The following INTS6 variants were observed in gnomAD, a reference collection of about 807,000 sequenced individuals.
INTS6 encodes the protein integrator complex subunit 6, also known as DEAD box protein.
INTS6 carries 16 observed loss-of-function variants against 104.9 expected under a neutral mutation model. That is an observed-to-expected ratio of 0.15 (90% confidence interval 0.10 to 0.23). The LOEUF (loss-of-function observed/expected upper bound fraction) is 0.23. Among genes scored for constraint, INTS6 ranks in the 10% least tolerant of loss-of-function variants. The pLI is 1.00. For missense variants in INTS6, 584 were observed against 1,062.8 expected, an observed-to-expected ratio of 0.55 and a Z score of 6.26; for synonymous variants, 324 against 358.7, an observed-to-expected ratio of 0.90 and a Z score of 1.09.
At position 51,398,150 on chromosome 13, in the gene INTS6, G is replaced by C. The variant is rs555577783; in HGVS notation, c.430-2667C>G. 2.0e-5 allele frequency among the ~76,000 whole-genome samples: 3 copies of C among 152,182 alleles called. No homozygotes were observed. The East Asian group carries it at 5.8e-4, about 29-fold the overall frequency. On this transcript the variant is annotated intron_variant, in intron 4 of 17. Coordinates refer to ENST00000311234, the MANE Select transcript of INTS6 (RefSeq NM_012141.3). ...ATGAATTAGTAAAATAAGGAGTAAT[G>C]GCAGGCAAATAGAAACAGGAAAAAG...
chr13:51,354,591 GAA>G (rs11318595), intron 3 of INTS6, among the ~76,000 whole-genome samples: 6 of 130,014 alleles, frequency 4.6e-5, no homozygotes, highest in East Asian at 4.5e-4. Context: ...CCCCATCTCA[GAA>G]AAAAAAAAAA....
chr13:51,428,925 T>C (rs1317435952), intron 4 of INTS6, among the ~76,000 whole-genome samples: 1 of 152,180 alleles, frequency 6.6e-6, no homozygotes, highest in East Asian at 1.9e-4. Flanking sequence ...AGCAGAGAAT[T>C]ATATCTCTTT....
intron 13 of INTS6, among the ~76,000 whole-genome samples, chr13:51,375,737 G>A (rs865952755): frequency 0.013 from 1,350 of 104,870 alleles, 20 homozygotes; most frequent in African/African-American, 0.046. Flanking sequence ...ATAAGTGGGT[G>A]TGTGTGTGTG....
At chr13:51,361,050 T>C (rs1955566106), downstream of INTS6, among the ~76,000 whole-genome samples, 2 of 152,078 alleles carry the variant, frequency 1.3e-5, no homozygotes, top group Non-Finnish European at 2.9e-5. Context: ...AAATTAAATA[T>C]ATATAACAAA....
chr13:51,421,691 C>A (rs1956898546), intron 4 of INTS6, among the ~76,000 whole-genome samples: 1 of 152,114 alleles, frequency 6.6e-6, no homozygotes, highest in Non-Finnish European at 1.5e-5. Context: ...AGTGCACCAT[C>A]AGAAAACCAC....
downstream of INTS6, among the ~76,000 whole-genome samples, chr13:51,359,715 A>G (rs1955533158): frequency 6.6e-6 from 1 of 152,104 alleles, no homozygotes; most frequent in South Asian, 2.1e-4. Flanking sequence ...TTCAGACACC[A>G]TCCTATATAG....
intron 3 of INTS6, chr13:51,440,532 A>T (rs950378070): frequency 3.9e-5 from 6 of 152,116 alleles, no homozygotes; most frequent in Non-Finnish European, 8.8e-5. Flanking sequence ...TCACGAACTC[A>T]CTCACCCACC....
rs770819857 is a variant in INTS6, at chr13:51,361,834, G to A, written c.*3918C>T. The A allele has an allele frequency of 1.7e-5, 27 of 1,609,634 alleles. No individual in the cohort carries two copies. The highest frequency in any genetic ancestry group is 6.7e-5 in the East Asian group (3 of 44,734). On this transcript the variant is annotated 3_prime_UTR_variant, in exon 18 of 18. Transcript: ENST00000311234. ...GCTCTGTTGTTATTGAAAAGGTCTC[G>A]GATTCCTATTTTTAAAGCAGATCGG... is the stretch of plus-strand genomic sequence containing the variant.
At chr13:51,376,776 T>C (rs1268975312) in intron 12 of INTS6, among the ~76,000 whole-genome samples, 1 of 152,206 alleles carries the variant, frequency 6.6e-6, no homozygotes, top group Non-Finnish European at 1.5e-5. Flanking sequence ...ATTGACATTA[T>C]TCATGTATCA....
chr13:51,392,938 T>A (rs948351617), intron 5 of INTS6, among the ~76,000 whole-genome samples: 2 of 152,044 alleles, frequency 1.3e-5, no homozygotes, highest in African/African-American at 4.8e-5. Context: ...AATTATGCAA[T>A]TAAAAAAATA....
At chr13:51,444,723 T>G (rs1471329295) in intron 3 of INTS6, 1 of 149,930 alleles carries the variant, frequency 6.7e-6, no homozygotes, top group Non-Finnish European at 1.5e-5. Flanking sequence ...CACTCCAGCC[T>G]GGGCAACAAG....
At chr13:51,428,316 CT>C (rs927843705) in intron 4 of INTS6, among the ~76,000 whole-genome samples, 11 of 147,524 alleles carry the variant, frequency 7.5e-5, no homozygotes, top group African/African-American at 2.0e-4. Context: ...TTTAAAATGA[CT>C]TTTTTTTTCT....
chr13:51,427,873 T>C (rs2138089941), intron 4 of INTS6, among the ~76,000 whole-genome samples: 1 of 152,328 alleles, frequency 6.6e-6, no homozygotes, highest in African/African-American at 2.4e-5. Flanking sequence ...AAAATCTTCC[T>C]AACCTTACTA....
At chr13:51,345,456 T>A in the INTS6 span, among the ~76,000 whole-genome samples, 2 of 151,976 alleles carry the variant, frequency 1.3e-5, no homozygotes, top group South Asian at 4.2e-4. Flanking sequence ...TAGCCAGGCA[T>A]GGTGGCATGT....
intron 2 of INTS6, chr13:51,451,418 C>T (rs963591089): frequency 3.6e-6 from 1 of 274,684 alleles, no homozygotes; most frequent in African/African-American, 2.2e-5. Flanking sequence ...GACAAATTTA[C>T]TACCTAATCT....
chr13:51,394,709 A>G lies in INTS6; in HGVS notation c.613+591T>C, dbSNP rs529796324. 9.2e-5 allele frequency among the ~76,000 whole-genome samples: 14 copies of G among 152,332 alleles called. No individual in the cohort carries two copies. The South Asian group carries it at 2.7e-3, about 29-fold the overall frequency. ...GATACTTGGTACACAGTAGGCACGCAATACATACCTATATGAAATTAATCC... is the reference window on the plus strand; with the variant it reads ...GATACTTGGTACACAGTAGGCACGCGATACATACCTATATGAAATTAATCC... On this transcript the variant is annotated intron_variant, in intron 5 of 17. Coordinates refer to ENST00000311234, the MANE Select transcript of INTS6 (RefSeq NM_012141.3).
At chr13:51,435,825 A>AT (rs892257069) in intron 3 of INTS6, among the ~76,000 whole-genome samples, 4 of 152,156 alleles carry the variant, frequency 2.6e-5, no homozygotes, top group African/African-American at 9.6e-5. Context: ...AATACTGTTA[A>AT]TTTTTTTAAA....
intron 3 of INTS6, among the ~76,000 whole-genome samples, chr13:51,433,241 C>T (rs933696736): frequency 6.6e-5 from 10 of 152,052 alleles, no homozygotes; most frequent in African/African-American, 1.2e-4. Context: ...GTCAGGACTG[C>T]GAGACCAGTC....
At chr13:51,348,313 C>T in the INTS6 span, 2 of 1,613,664 alleles carry the variant, frequency 1.2e-6, no homozygotes, top group Non-Finnish European at 1.7e-6. Context: ...GTGACAAAGA[C>T]ACCCCCCTGA....
Sources: allele counts gnomAD v4.1 joint callset (sites outside exome capture counted in the v4.1 genomes callset), GRCh38; gene constraint gnomAD v4.1.1; transcripts MANE v1.5; gene names NCBI Gene and HGNC (gene_info 2026-07-23, HGNC 2026-07-21).